The following CFAP221 variants were observed in gnomAD, a reference collection of about 807,000 sequenced individuals.
CFAP221 encodes the protein cilia and flagella associated protein 221, also known as cilia- and flagella-associated protein 221.
A neutral mutation model predicts 113.1 loss-of-function variants in CFAP221; 97 were observed. The ratio of observed to expected loss-of-function variants is 0.86; its 90% CI spans 0.73 to 1.02. The LOEUF is 1.02. Ranked by LOEUF, CFAP221 falls within the 50% of genes least tolerant of loss-of-function variation. The probability of loss-of-function intolerance (pLI) is 0.00; values close to 1 mark genes in which losing one functional copy is unlikely to be tolerated. For missense variants in CFAP221, 1,025 were observed against 1,013.4 expected (o/e 1.01, Z -0.16); for synonymous variants, 331 against 354.4 (o/e 0.93, Z 0.74).
At chr2:119,645,148 G>T (rs944924919) in intron 21 of CFAP221, among the ~76,000 whole-genome samples, 1 of 149,772 alleles carries the variant, frequency 6.7e-6, no homozygotes, top group South Asian at 2.1e-4. Flanking sequence ...CTCTCTCTCT[G>T]TCTTTCTTTC....
chr2:119,592,412 G>A (rs1683660212), intron 7 of CFAP221, among the ~76,000 whole-genome samples: 1 of 152,202 alleles, frequency 6.6e-6, no homozygotes, highest in African/African-American at 2.4e-5. Flanking sequence ...TCTTGGCCAT[G>A]GAAAATGGGA....
rs567298856 is a variant in CFAP221, at chr2:119,639,171, T to A, written c.2134-610T>A. ...TGGCCCACTGCTGCTGCAGTCAGCCTTCCCTTCAGAGAAATCTTCCTTATG... is the reference window on the plus strand; with the variant it reads ...TGGCCCACTGCTGCTGCAGTCAGCCATCCCTTCAGAGAAATCTTCCTTATG... On this transcript the variant is annotated intron_variant, in intron 20 of 23. Transcript: ENST00000413369. Among the ~76,000 whole-genome samples the A allele has an allele frequency of 4.6e-5, 7 of 152,304 alleles. No individual in the cohort carries two copies. The East Asian group carries it at 1.4e-3, about 30-fold the overall frequency.
intron 15 of CFAP221, among the ~76,000 whole-genome samples, chr2:119,626,538 A>G (rs72965034): frequency 0.18 from 27,827 of 152,060 alleles, 2,989 homozygotes; most frequent in African/African-American, 0.31. Flanking sequence ...GTCATCATTT[A>G]TACTTGCTGA....
intron 3 of CFAP221, among the ~76,000 whole-genome samples, chr2:119,557,882 C>T (rs1680928045): frequency 6.6e-6 from 1 of 150,900 alleles, no homozygotes; most frequent in Non-Finnish European, 1.5e-5. Flanking sequence ...TCACTTGAAC[C>T]TGGGAGGCAG....
intron 19 of CFAP221, among the ~76,000 whole-genome samples, chr2:119,634,619 G>GAA (rs1687001891): frequency 6.6e-6 from 1 of 152,176 alleles, no homozygotes; most frequent in Admixed American, 6.5e-5. Context: ...TATTCAGACA[G>GAA]TGGAATACTA....
At chr2:119,607,093 G>A (rs1475318941) in intron 11 of CFAP221, among the ~76,000 whole-genome samples, 1 of 152,112 alleles carries the variant, frequency 6.6e-6, no homozygotes, top group Non-Finnish European at 1.5e-5. Context: ...AGTCTTATGG[G>A]CAAATTTAGC....
intron 7 of CFAP221, among the ~76,000 whole-genome samples, chr2:119,597,969 G>A (rs925625275): frequency 6.6e-6 from 1 of 152,082 alleles, no homozygotes; most frequent in Admixed American, 6.6e-5. Flanking sequence ...GGAGAGTTGG[G>A]GTTTTCTTTC....
chr2:119,601,307 A>C lies in CFAP221; in HGVS notation c.721A>C (p.Ile241Leu). Reference sequence around the variant, plus strand: ...TGCACAAATAAAAATGCAGTTATGGATTTCGCAGTTCAACTCTCAACCATA... The same window carrying C: ...TGCACAAATAAAAATGCAGTTATGGCTTTCGCAGTTCAACTCTCAACCATA... ...GTAQIKMQLW[I>L]SQFNSQPYEC... is the part of the protein sequence containing the mutation. The change falls in exon 8 of 24, where the codon ATT (isoleucine) becomes CTT (leucine). Residue 241 changes from isoleucine (I) to leucine (L), a missense_variant. Transcript: ENST00000413369. The C allele has an allele frequency of 6.5e-7, 1 of 1,535,884 alleles. No individual in the cohort carries two copies. Among genetic ancestry groups the C allele is most frequent in the Non-Finnish European group, 8.7e-7 (1 of 1,146,774 alleles).
At chr2:119,598,112 T>C (rs1684115843) in intron 7 of CFAP221, among the ~76,000 whole-genome samples, 2 of 152,196 alleles carry the variant, frequency 1.3e-5, no homozygotes, top group African/African-American at 4.8e-5. Context: ...ATCTGTACTT[T>C]TTGAGATCTT....
At chr2:119,620,999 C>T (rs1230844138) in intron 14 of CFAP221, among the ~76,000 whole-genome samples, 4 of 150,934 alleles carry the variant, frequency 2.7e-5, no homozygotes, top group African/African-American at 4.9e-5. Context: ...TCAAGGCAGG[C>T]GGATCACCTC....
At chr2:119,613,329 C>T (rs1250386528) in intron 13 of CFAP221, among the ~76,000 whole-genome samples, 2 of 152,214 alleles carry the variant, frequency 1.3e-5, no homozygotes, top group African/African-American at 4.8e-5. Context: ...TAGGCAGTGC[C>T]CCAGTGGGGA....
Position 119,562,109 on chromosome 2 carries a change from T to C in CFAP221, c.522T>C (p.Gly174=). 6.5e-7 allele frequency: 1 copy of C among 1,529,380 alleles called. No homozygotes were observed. Among genetic ancestry groups the C allele is most frequent in the Non-Finnish European group, 8.8e-7 (1 of 1,142,054 alleles). The allele number at this position is 1,529,380 out of a possible 1,614,324, so 94.7% of individuals were successfully genotyped here. A position where few individuals can be genotyped will look rare whatever the true frequency, so the allele number is the denominator to read the frequency against. Reference sequence around the variant, plus strand: ...TAAATCTGTCAAATGTTCTACTTGGTGAAAGGTGAGTTACCAAAATGTCAA... The same window carrying C: ...TAAATCTGTCAAATGTTCTACTTGGCGAAAGGTGAGTTACCAAAATGTCAA... ...SFINLSNVLL[G]ESKTYVIPLQ... Residue 174 remains glycine, a synonymous_variant, in exon 6 of 24, where the codon GGT becomes GGC. Coordinates refer to ENST00000413369, the MANE Select transcript of CFAP221 (RefSeq NM_001271049.2).
chr2:119,605,178 C>G lies in CFAP221; in HGVS notation c.1025-3C>G. 1 of 1,611,632 alleles carries G rather than the reference C, an allele frequency of 6.2e-7. No homozygotes were observed. The highest frequency in any genetic ancestry group is 8.5e-7 in the Non-Finnish European group (1 of 1,177,824). On this transcript the variant is annotated splice_region_variant and splice_polypyrimidine_tract_variant and intron_variant, in intron 10 of 23. Transcript: ENST00000413369. ...TATAAACATTGTCTGCTCCTGCCTT[C>G]AGTTTTGGACCAGGGCACTGAAATT...
chr2:119,615,115 G>A (rs1306352385), intron 13 of CFAP221, among the ~76,000 whole-genome samples: 1 of 151,786 alleles, frequency 6.6e-6, no homozygotes, highest in African/African-American at 2.4e-5. Context: ...GCTCTGGCCA[G>A]CCTCACTATA....
rs200947466 is a variant in CFAP221 at position 119,630,669 on chromosome 2, G to A, written c.1831G>A (p.Gly611Arg). ...PQKLARALKQGAEDEVTTITA... is the reference protein window; with the variant it reads ...PQKLARALKQRAEDEVTTITA... The stretch of plus-strand genomic sequence containing the variant: ...AAAGCTTGCCCGAGCCCTAAAGCAA[G>A]GAGCTGAGGTAACACACCCCCATCT... The change falls in exon 18 of 24, where the codon GGA becomes AGA. Residue 611 changes from glycine to arginine, a missense_variant. Physicochemically the swap from Gly to Arg is moderately radical, Grantham distance 125 (BLOSUM62 -2). Coordinates refer to ENST00000413369, the MANE Select transcript of CFAP221 (RefSeq NM_001271049.2). The A allele has an allele frequency of 5.1e-5, 83 of 1,612,404 alleles. No individual in the cohort carries two copies. In the East Asian group the frequency reaches 1.7e-3, roughly 33 times the overall value.
At chr2:119,549,293 A>C (rs1680264569) in intron 3 of CFAP221, 108 bp downstream of exon 3, 3 of 867,656 alleles carry the variant, frequency 3.5e-6, no homozygotes, top group Non-Finnish European at 3.4e-6. Flanking sequence ...GCCGTAGTGC[A>C]AGAGTAAATT....
At chr2:119,545,278 G>A (rs904103620) in intron 1 of CFAP221, 1 of 152,230 alleles carries the variant, frequency 6.6e-6, no homozygotes, top group Non-Finnish European at 1.5e-5. Context: ...CCCAAGTTAA[G>A]AGATTTAGTT....
intron 11 of CFAP221, among the ~76,000 whole-genome samples, chr2:119,606,223 A>G (rs1465729993): frequency 2.0e-5 from 3 of 151,720 alleles, no homozygotes; most frequent in African/African-American, 7.3e-5. Context: ...GTGGGACCCA[A>G]ACCCCTGGGC....
At position 119,601,245 on chromosome 2, in the gene CFAP221, C is replaced by A; in HGVS notation, c.659C>A (p.Thr220Asn). The change falls in exon 8 of 24, where the codon ACT (threonine) becomes AAT (asparagine). Residue 220 changes from threonine to asparagine, a missense_variant. Coordinates refer to ENST00000413369, the MANE Select transcript of CFAP221 (RefSeq NM_001271049.2). ...ATAATTCCGGCTAATGGGAAGATGA[C>A]TGTGACTATTAAGTTTACACCCTTT... The part of the protein sequence containing the change: ...SGIIPANGKM[T>N]VTIKFTPFQY... 6.5e-7 allele frequency: 1 copy of A among 1,530,144 alleles called. No homozygotes were observed. The highest frequency in any genetic ancestry group is 8.7e-7 in the Non-Finnish European group (1 of 1,143,026). 94.8% of individuals were successfully genotyped at this position (1,530,144 alleles called of 1,614,324 possible). A position where few individuals can be genotyped will look rare whatever the true frequency, so the allele number is the denominator to read the frequency against.
Sources: gnomAD v4.1 joint callset for allele counts (sites outside exome capture counted in the v4.1 genomes callset) on GRCh38, gnomAD v4.1.1 for gene constraint, MANE v1.5 for transcripts, NCBI Gene and HGNC (gene_info 2026-07-23, HGNC 2026-07-21) for gene names.